The following PSME4 variants were observed in gnomAD, a reference collection of about 807,000 sequenced individuals.
The protein encoded by PSME4 is proteasome activator complex subunit 4.
Under a neutral mutation model 253.9 loss-of-function variants are expected in PSME4, and 89 were observed. The ratio of observed to expected loss-of-function variants is 0.35; its 90% CI spans 0.30 to 0.42. PSME4 has a LOEUF of 0.42. PSME4 is among the 10% of genes least tolerant of loss of function. The pLI, the probability that PSME4 is intolerant of heterozygous loss-of-function variation, is 1.00. For missense variants in PSME4, 2,014 were observed against 2,195.2 expected (o/e 0.92, Z 1.65); for synonymous variants, 851 against 759.2 (o/e 1.12, Z -1.99).
At chr2:53,961,888 G>A (rs186071322) in intron 1 of PSME4, among the ~76,000 whole-genome samples, 3 of 152,298 alleles carry the variant, frequency 2.0e-5, no homozygotes, top group East Asian at 1.9e-4. Flanking sequence ...TGTTGTGTCC[G>A]GTTTCCACTT....
chr2:53,867,129 T>C (rs1678602990), intron 44 of PSME4, among the ~76,000 whole-genome samples: 1 of 151,978 alleles, frequency 6.6e-6, no homozygotes, highest in Admixed American at 6.6e-5. Context: ...GAGGCCAAGG[T>C]AGGAGGATCA....
At chr2:53,969,044 G>A (rs1670887330) in intron 1 of PSME4, among the ~76,000 whole-genome samples, 1 of 152,182 alleles carries the variant, frequency 6.6e-6, no homozygotes, top group African/African-American at 2.4e-5. Flanking sequence ...GATTAAAATG[G>A]GGAATTACTG....
In PSME4 at chr2:53,970,772, C is replaced by A; in HGVS notation, c.13G>T (p.Glu5Ter). ...GGGGGCTCTCCGACTCCCGCCCGCT[C>A]GGCCGGCTCCATGAGCCCAGGGACA... MEPA[E>*]RAGVGEPPEP... Residue 5 changes from glutamate to a stop codon, truncating the protein, a stop_gained, in exon 1 of 47, where the codon GAG becomes TAG. Transcript: ENST00000404125. LOFTEE classifies it high-confidence loss of function. 6.5e-7 allele frequency: 1 copy of A among 1,542,578 alleles called. No individual in the cohort carries two copies. The highest frequency in any genetic ancestry group is 1.2e-5 in the South Asian group (1 of 83,594).
rs764661143 is a variant in PSME4, at chr2:53,925,494, G to C, written c.1809+45C>G. On this transcript the variant is annotated intron_variant, in intron 14 of 46. Coordinates refer to ENST00000404125, the MANE Select transcript of PSME4 (RefSeq NM_014614.3). ...TGAAGTCAATTTTAAAACATCAAAT[G>C]AAACTTAAAAGCTGGAAGTTTATTT... 5.5e-6 allele frequency: 8 copies of C among 1,447,658 alleles called. 1 individual carries two copies. In the South Asian group the frequency reaches 1.3e-4, roughly 23 times the overall value. 89.7% of individuals were successfully genotyped at this position (1,447,658 alleles called of 1,614,324 possible).
chr2:53,965,102 G>GAC lies in PSME4; in HGVS notation c.242+5439_242+5440dup, dbSNP rs142563935. Among the ~76,000 whole-genome samples, 984 of 149,132 alleles carry GAC rather than the reference G, an allele frequency of 6.6e-3. 8 individuals are homozygous for GAC. The highest frequency in any genetic ancestry group is 0.018 in the African/African-American group (734 of 40,410). Reference sequence around the variant, plus strand: ...TTCTGTTTAAACACACACACACACAGACACACACACACACACACGAATCAT... The same window carrying GAC: ...TTCTGTTTAAACACACACACACACAGACACACACACACACACACACGAATCAT... On this transcript the variant is annotated intron_variant, in intron 1 of 46. Transcript: ENST00000404125.
chr2:53,884,680 C>A (rs1445296457), intron 41 of PSME4, among the ~76,000 whole-genome samples: 1 of 152,150 alleles, frequency 6.6e-6, no homozygotes, highest in African/African-American at 2.4e-5. Flanking sequence ...TATGAATGTT[C>A]TATATCCGCT....
chr2:53,913,082 A>G (rs1667900197), intron 20 of PSME4, among the ~76,000 whole-genome samples: 2 of 152,200 alleles, frequency 1.3e-5, no homozygotes, highest in Admixed American at 6.5e-5. Flanking sequence ...TTTACAAACC[A>G]TAGTATCATT....
Position 53,948,512 on chromosome 2 carries a change from C to T in PSME4, c.409G>A (p.Asp137Asn). Reference protein sequence around the residue: ...LKKKELLSRADLELPWRPLYD... With the variant: ...LKKKELLSRANLELPWRPLYD... ...AGTGGTCTCCAGGGTAACTCCAAAT[C>T]AGCTCTTGAAAGAAGTTCCTTTTTC... is the stretch of plus-strand genomic sequence containing the variant. The change falls in exon 3 of 47, where the codon GAT (aspartate) becomes AAT (asparagine). Residue 137 changes from aspartate (D) to asparagine (N), a missense_variant. Coordinates refer to ENST00000404125, the MANE Select transcript of PSME4 (RefSeq NM_014614.3). The T allele has an allele frequency of 6.2e-7, 1 of 1,612,770 alleles. No individual in the cohort carries two copies. The highest frequency in any genetic ancestry group is 8.5e-7 in the Non-Finnish European group (1 of 1,178,948).
At chr2:53,868,981 C>T (rs902947388) in intron 44 of PSME4, among the ~76,000 whole-genome samples, 1 of 152,124 alleles carries the variant, frequency 6.6e-6, no homozygotes, top group Non-Finnish European at 1.5e-5. Context: ...GAATAATCCC[C>T]TCTCCAAATA....
intron 2 of PSME4, 91 bp from the exon 3 acceptor site, chr2:53,948,628 G>A (rs1272745088): frequency 3.7e-6 from 3 of 818,360 alleles, no homozygotes; most frequent in African/African-American, 1.7e-5. Flanking sequence ...GTTAAACATT[G>A]CTGCTCATCA....
chr2:53,932,642 C>T (rs1483859145), intron 9 of PSME4, 26 bp downstream of exon 9: 3 of 1,558,740 alleles, frequency 1.9e-6, no homozygotes, highest in Non-Finnish European at 2.7e-6. Flanking sequence ...ATTCCAAGCC[C>T]TATAATGCAA....
chr2:53,898,405 CA>C, intron 29 of PSME4, 51 bp from the exon 30 acceptor site: 1 of 1,328,992 alleles, frequency 7.5e-7, no homozygotes, highest in Non-Finnish European at 1.0e-6. Flanking sequence ...AAATGAACAT[CA>C]AAAATATAAT....
chr2:53,954,779 T>C (rs1353610975), intron 1 of PSME4, among the ~76,000 whole-genome samples: 1 of 151,528 alleles, frequency 6.6e-6, no homozygotes, highest in South Asian at 2.1e-4. Flanking sequence ...ATGTGGAGGT[T>C]GCAGTGAGCC....
chr2:53,958,793 C>A, intron 1 of PSME4, among the ~76,000 whole-genome samples: 1 of 149,088 alleles, frequency 6.7e-6, no homozygotes. Flanking sequence ...TTAGACTAAA[C>A]TTTAAAATCT....
chr2:53,945,123 G>A (rs900332807), intron 3 of PSME4, among the ~76,000 whole-genome samples: 2 of 152,098 alleles, frequency 1.3e-5, no homozygotes, highest in African/African-American at 2.4e-5. Flanking sequence ...CATAGCAACT[G>A]AAATATGAAT....
At chr2:53,940,495 G>A (rs962756423) in intron 3 of PSME4, among the ~76,000 whole-genome samples, 5 of 151,958 alleles carry the variant, frequency 3.3e-5, no homozygotes, top group Non-Finnish European at 7.4e-5. Context: ...AAGAACAATA[G>A]CATCTCTTTG....
intron 42 of PSME4, among the ~76,000 whole-genome samples, chr2:53,875,059 C>G (rs754709697): frequency 1.3e-5 from 2 of 152,218 alleles, no homozygotes; most frequent in African/African-American, 4.8e-5. Flanking sequence ...TTGGTAGCAA[C>G]AGCAGGGTCT....
intron 1 of PSME4, among the ~76,000 whole-genome samples, chr2:53,958,160 T>C (rs1397264018): frequency 2.3e-5 from 3 of 128,058 alleles, no homozygotes; most frequent in Non-Finnish European, 4.7e-5. Context: ...CACTCCAGCC[T>C]GGGCGACAGA....
At chr2:53,908,265 G>A in intron 24 of PSME4, 55 bp downstream of exon 24, 1 of 1,370,098 alleles carries the variant, frequency 7.3e-7, no homozygotes, top group East Asian at 2.3e-5. Context: ...CAAATTACGA[G>A]GTTATTATAC....
Sources: gnomAD v4.1 joint callset for allele counts (sites outside exome capture counted in the v4.1 genomes callset) on GRCh38, gnomAD v4.1.1 for gene constraint, MANE v1.5 for transcripts, NCBI Gene and HGNC (gene_info 2026-07-23, HGNC 2026-07-21) for gene names.